PCDHA5: variants seen among roughly 807,000 people sequenced by gnomAD.
PCDHA5 encodes the protein protocadherin alpha-5.
In PCDHA5, 43 loss-of-function variants were observed where a neutral mutation model predicts 61.6. The ratio of observed to expected loss-of-function variants is 0.70; its 90% CI spans 0.55 to 0.90. PCDHA5 has a LOEUF of 0.90. Ranked by LOEUF, PCDHA5 falls within the 40% of genes least tolerant of loss-of-function variation. The probability of loss-of-function intolerance (pLI) is 0.00; values close to 1 mark genes in which losing one functional copy is unlikely to be tolerated. For synonymous variants in PCDHA5, 627 were observed against 543.9 expected, an observed-to-expected ratio of 1.15 and a Z score of -2.13; for missense variants, 1,298 against 1,222.7, an observed-to-expected ratio of 1.06 and a Z score of -0.92.
intron 1 of PCDHA5, among the ~76,000 whole-genome samples, chr5:140,899,991 G>C (rs2067668603): frequency 6.6e-6 from 1 of 151,712 alleles, no homozygotes; most frequent in African/African-American, 2.4e-5. Context: ...GATTTTTTTT[G>C]TAGAGATGAG....
intron 1 of PCDHA5, among the ~76,000 whole-genome samples, chr5:140,943,997 T>C (rs1387803558): frequency 2.0e-5 from 3 of 152,178 alleles, no homozygotes; most frequent in African/African-American, 7.2e-5. Flanking sequence ...ACAGAACTAC[T>C]GAGTACCCCC....
At chr5:140,936,512 A>G (rs575884793) in intron 1 of PCDHA5, among the ~76,000 whole-genome samples, 1 of 152,324 alleles carries the variant, frequency 6.6e-6, no homozygotes, top group Non-Finnish European at 1.5e-5. Context: ...TAGATCTTAA[A>G]TTACCTGAAA....
At chr5:140,868,935 G>A in intron 1 of PCDHA5, 1 of 1,171,026 alleles carries the variant, frequency 8.5e-7, no homozygotes, top group South Asian at 1.6e-5. Flanking sequence ...TTAAAGGTTG[G>A]TCTGAACAGT....
chr5:140,907,365 G>A (rs782137145), intron 1 of PCDHA5, among the ~76,000 whole-genome samples: 20 of 152,178 alleles, frequency 1.3e-4, no homozygotes, highest in African/African-American at 2.4e-4. Flanking sequence ...TTCTTTAGTC[G>A]TAAAGTGAGT....
intron 1 of PCDHA5, chr5:140,861,434 CA>C: frequency 4.1e-6 from 2 of 489,520 alleles, no homozygotes; most frequent in Non-Finnish European, 4.2e-6. Context: ...AGTTGGATTC[CA>C]AAAGCCGCAG....
intron 1 of PCDHA5, among the ~76,000 whole-genome samples, chr5:140,960,713 A>C (rs1272219565): frequency 6.6e-6 from 1 of 150,862 alleles, no homozygotes; most frequent in Non-Finnish European, 1.5e-5. Context: ...CCAAATACTC[A>C]TCTTATTTTA....
chr5:140,985,007 G>A (rs1349447884), intron 3 of PCDHA5, among the ~76,000 whole-genome samples: 2 of 151,706 alleles, frequency 1.3e-5, no homozygotes, highest in African/African-American at 4.8e-5. Flanking sequence ...GCACGATATC[G>A]GCTCACAGCA....
At chr5:140,843,154 G>T in intron 1 of PCDHA5, 3 of 1,596,128 alleles carry the variant, frequency 1.9e-6, no homozygotes, top group Non-Finnish European at 2.6e-6. Context: ...CGTATGAGCT[G>T]CAGCCAGCTG....
At chr5:140,858,255 C>G in intron 1 of PCDHA5, 10 of 1,596,962 alleles carry the variant, frequency 6.3e-6, no homozygotes, top group Middle Eastern at 1.7e-4. Flanking sequence ...GTGAAGCCCA[C>G]GCTGGTGTGC....
intron 1 of PCDHA5, among the ~76,000 whole-genome samples, chr5:140,964,926 A>G (rs2095863338): frequency 6.6e-6 from 1 of 152,212 alleles, no homozygotes; most frequent in African/African-American, 2.4e-5. Flanking sequence ...CTGGCTAGGT[A>G]GTGGAGCATT....
intron 1 of PCDHA5, among the ~76,000 whole-genome samples, chr5:140,940,057 A>G (rs2092538975): frequency 6.6e-6 from 1 of 152,224 alleles, no homozygotes; most frequent in African/African-American, 2.4e-5. Flanking sequence ...TTCTTAACCA[A>G]ATATAAATAT....
At chr5:140,992,954 C>T (rs1174073844) in intron 3 of PCDHA5, among the ~76,000 whole-genome samples, 4 of 152,190 alleles carry the variant, frequency 2.6e-5, no homozygotes, top group Non-Finnish European at 5.9e-5. Context: ...TTAAATCACC[C>T]CTTATACTGC....
chr5:140,867,957 CA>C (rs1271215913), intron 1 of PCDHA5: 1 of 152,006 alleles, frequency 6.6e-6, no homozygotes, highest in Non-Finnish European at 1.5e-5. Flanking sequence ...CTCCCAAACC[CA>C]AAATTCTTTC....
intron 1 of PCDHA5, among the ~76,000 whole-genome samples, chr5:140,945,889 A>G (rs2093857848): frequency 6.6e-6 from 1 of 152,074 alleles, no homozygotes; most frequent in African/African-American, 2.4e-5. Flanking sequence ...CAAAGAAAAC[A>G]CAGTGGGAAA....
At chr5:140,912,882 T>A (rs2153523481) in intron 1 of PCDHA5, among the ~76,000 whole-genome samples, 1 of 152,362 alleles carries the variant, frequency 6.6e-6, no homozygotes, top group South Asian at 2.1e-4. Context: ...TTGGTCTTCA[T>A]TCTGTTGATA....
chr5:140,987,407 T>C (rs1301920693), intron 3 of PCDHA5, among the ~76,000 whole-genome samples: 3 of 152,148 alleles, frequency 2.0e-5, no homozygotes, highest in Non-Finnish European at 4.4e-5. Flanking sequence ...CATCTGTTTA[T>C]GGTTCTTGTG....
At chr5:140,914,809 T>G (rs532202561) in intron 1 of PCDHA5, among the ~76,000 whole-genome samples, 21 of 152,314 alleles carry the variant, frequency 1.4e-4, no homozygotes, top group African/African-American at 5.1e-4. Flanking sequence ...TGATGGCAAC[T>G]TAACAGACTG....
At chr5:140,966,360 A>T (rs1169207709) in intron 1 of PCDHA5, 1 of 400,440 alleles carries the variant, frequency 2.5e-6, no homozygotes, top group Non-Finnish European at 4.4e-6. Flanking sequence ...ATGGGGCTGG[A>T]GAGGCTGAGC....
At chr5:141,005,303 A>T (rs2098205194) in intron 3 of PCDHA5, among the ~76,000 whole-genome samples, 2 of 152,212 alleles carry the variant, frequency 1.3e-5, no homozygotes, top group Non-Finnish European at 2.9e-5. Context: ...TGCCTTTGTG[A>T]ATCTTACAGT....
Sources: gnomAD v4.1 joint callset for allele counts (sites outside exome capture counted in the v4.1 genomes callset) on GRCh38, gnomAD v4.1.1 for gene constraint, MANE v1.5 for transcripts, NCBI Gene and HGNC (gene_info 2026-07-23, HGNC 2026-07-21) for gene names.